The following RNF128 variants were observed in gnomAD, a reference collection of about 807,000 sequenced individuals.
RNF128 encodes ring finger protein 128.
RNF128 carries 13 observed loss-of-function variants against 26.2 expected under a neutral mutation model. The ratio of observed to expected loss-of-function variants is 0.50; its 90% confidence interval spans 0.32 to 0.79. The LOEUF (loss-of-function observed/expected upper bound fraction) is 0.79. Ranked by LOEUF, RNF128 falls within the 30% of genes least tolerant of loss-of-function variation. The probability of loss-of-function intolerance (pLI) is 0.03; values close to 1 mark genes in which losing one functional copy is unlikely to be tolerated. For synonymous variants in RNF128, 149 were observed against 142.5 expected (o/e 1.05, Z -0.32); for missense variants, 315 against 349.7 (o/e 0.90, Z 0.79).
At chrX:106,737,636 G>T (rs945657339) in intron 1 of RNF128, among the ~76,000 whole-genome samples, 2 of 111,296 alleles carry the variant, frequency 1.8e-5, no homozygotes, top group Non-Finnish European at 3.8e-5. Context: ...TGACTCCATG[G>T]ATGCAGAACT....
At chrX:106,734,107 A>G (rs930389284) in intron 1 of RNF128, among the ~76,000 whole-genome samples, 9 of 111,850 alleles carry the variant, frequency 8.0e-5, no homozygotes, top group African/African-American at 2.9e-4. Context: ...TTCTCCATGT[A>G]TCTAGAAATA....
chrX:106,759,271 G>A (rs1179535494), intron 1 of RNF128, among the ~76,000 whole-genome samples: 2 of 111,596 alleles, frequency 1.8e-5, no homozygotes, highest in East Asian at 5.6e-4. Context: ...TTATTCAAAA[G>A]TCAGGCAATA....
chrX:106,758,727 A>G (rs1930068583), intron 1 of RNF128, among the ~76,000 whole-genome samples: 1 of 112,074 alleles, frequency 8.9e-6, no homozygotes, highest in South Asian at 3.7e-4. Flanking sequence ...CTGCATATCC[A>G]TGTGCAGAAG....
chrX:106,755,437 C>T (rs994770488), intron 1 of RNF128, among the ~76,000 whole-genome samples: 5 of 110,784 alleles, frequency 4.5e-5, no homozygotes, highest in African/African-American at 1.6e-4. Flanking sequence ...GATACCAAAA[C>T]CAGACAAAGA....
At position 106,715,405 on chromosome X, in the gene RNF128, A is replaced by G. The variant is rs1158381687; in HGVS notation, c.406+20997A>G. 1.8e-5 allele frequency among the ~76,000 whole-genome samples: 2 copies of G among 112,472 alleles called. 1 individual carries two copies. Among genetic ancestry groups the G allele is most frequent in the East Asian group, 5.5e-4 (2 of 3,622 alleles). The stretch of plus-strand genomic sequence containing the variant: ...ATCAGACACAAGCATCCAAAATAGG[A>G]AAAAGTTCTTTTTACATAGGAATTC... On this transcript the variant is annotated intron_variant, in intron 1 of 6. Coordinates refer to the RNF128 transcript ENST00000324342.
At chrX:106,787,560 C>G (rs1483243643) in intron 3 of RNF128, among the ~76,000 whole-genome samples, 2 of 110,819 alleles carry the variant, frequency 1.8e-5, no homozygotes, top group Non-Finnish European at 3.8e-5. Flanking sequence ...GAACTGTACA[C>G]TAAAAGGGTG....
intron 1 of RNF128, among the ~76,000 whole-genome samples, chrX:106,753,845 AAG>A (rs1183305497): frequency 1.8e-5 from 2 of 112,281 alleles, no homozygotes; most frequent in African/African-American, 6.5e-5. Flanking sequence ...AAACTATAAA[AAG>A]AGATAAAGAA....
intron 1 of RNF128, among the ~76,000 whole-genome samples, chrX:106,747,386 T>C (rs762659396): frequency 2.7e-5 from 3 of 111,770 alleles, no homozygotes; most frequent in Non-Finnish European, 5.7e-5. Flanking sequence ...TAAGGACTTT[T>C]TTCTTTTCTT....
chrX:106,753,405 A>G (rs1188766613), intron 1 of RNF128, among the ~76,000 whole-genome samples: 1 of 111,875 alleles, frequency 8.9e-6, no homozygotes, highest in Non-Finnish European at 1.9e-5. Flanking sequence ...AAATAATGCA[A>G]TATAAGATGT....
At chrX:106,769,948 G>A (rs1157939079) in intron 1 of RNF128, among the ~76,000 whole-genome samples, 4 of 111,215 alleles carry the variant, frequency 3.6e-5, no homozygotes, top group African/African-American at 9.8e-5. Context: ...AGGCCTGGTG[G>A]TGACAAAATC....
At chrX:106,736,115 T>G (rs921492148) in intron 1 of RNF128, among the ~76,000 whole-genome samples, 7 of 111,366 alleles carry the variant, frequency 6.3e-5, no homozygotes, top group Admixed American at 5.8e-4. Context: ...CATCTAATGG[T>G]GATAGATTTT....
intron 1 of RNF128, among the ~76,000 whole-genome samples, chrX:106,772,162 T>G: frequency 8.9e-6 from 1 of 111,856 alleles, no homozygotes; most frequent in Non-Finnish European, 1.9e-5. Flanking sequence ...TCCACAAAAC[T>G]TATATAATTG....
intron 1 of RNF128, among the ~76,000 whole-genome samples, chrX:106,706,924 T>C (rs886176012): frequency 1.8e-5 from 2 of 111,778 alleles, no homozygotes; most frequent in Non-Finnish European, 3.8e-5. Context: ...TCTTCACCTG[T>C]CTGTGTCTCT....
intron 1 of RNF128, among the ~76,000 whole-genome samples, chrX:106,748,064 C>T (rs1929818960): frequency 8.9e-6 from 1 of 111,991 alleles, no homozygotes; most frequent in Non-Finnish European, 1.9e-5. Flanking sequence ...GGAACCATAG[C>T]TTTGATCTTA....
intron 1 of RNF128, among the ~76,000 whole-genome samples, chrX:106,708,143 G>A (rs746865755): frequency 8.9e-5 from 10 of 111,807 alleles, no homozygotes; most frequent in Non-Finnish European, 1.9e-4. Context: ...GGGTTCCTCG[G>A]CTTGATGACA....
chrX:106,772,993 G>C lies in RNF128; in HGVS notation c.565G>C (p.Val189Leu). ...GCAATCTATTCAAAGAGGCATACAAGTGACAATGGTCATAGAAGTAGGGAA... is the reference window on the plus strand; with the variant it reads ...GCAATCTATTCAAAGAGGCATACAACTGACAATGGTCATAGAAGTAGGGAA... ...ILQSIQRGIQ[V>L]TMVIEVGKKH... The change falls in exon 2 of 7, where the codon GTG (valine) becomes CTG (leucine). Residue 189 changes from valine to leucine, a missense_variant. Val to Leu is a conservative substitution (Grantham distance 32, BLOSUM62 1). Coordinates refer to ENST00000255499, the MANE Select transcript of RNF128 (RefSeq NM_194463.2). The C allele has an allele frequency of 8.3e-7, 1 of 1,211,308 alleles. No individual in the cohort carries two copies. The highest frequency in any genetic ancestry group is 1.1e-6 in the Non-Finnish European group (1 of 895,216).
intron 1 of RNF128, among the ~76,000 whole-genome samples, chrX:106,709,031 C>G (rs1221111944): frequency 9.0e-6 from 1 of 111,241 alleles, no homozygotes; most frequent in Non-Finnish European, 1.9e-5. Flanking sequence ...TATGAATTTT[C>G]TTTATCATGG....
intron 1 of RNF128, among the ~76,000 whole-genome samples, chrX:106,700,816 G>T (rs182152419): frequency 7.3e-4 from 82 of 111,801 alleles, no homozygotes; most frequent in African/African-American, 2.5e-3. Context: ...TCTGTAGCTT[G>T]CTTTAGCTAC....
intron 1 of RNF128, among the ~76,000 whole-genome samples, chrX:106,747,107 A>G (rs1208612260): frequency 8.9e-6 from 1 of 112,157 alleles, no homozygotes; most frequent in African/African-American, 3.2e-5. Context: ...CTGAAAATGT[A>G]ATTATTAGAT....
Sources: allele counts gnomAD v4.1 joint callset (sites outside exome capture counted in the v4.1 genomes callset), GRCh38; gene constraint gnomAD v4.1.1; transcripts MANE v1.5; gene names NCBI Gene and HGNC (gene_info 2026-07-23, HGNC 2026-07-21).